Variants in LRBA observed in about 807,000 individuals in gnomAD.
The protein encoded by LRBA is LPS responsive beige-like anchor protein.
A neutral mutation model predicts 330.0 loss-of-function variants in LRBA; 176 were observed. The observed-to-expected ratio is 0.53, with a 90% CI of 0.47 to 0.60. LRBA has a LOEUF of 0.60. LRBA is among the 20% of genes least tolerant of loss of function. The pLI, the probability that LRBA is intolerant of heterozygous loss-of-function variation, is 0.00. For synonymous variants in LRBA, 1,230 were observed against 1,193.0 expected (o/e 1.03, Z -0.64); for missense variants, 3,259 against 3,444.8 (o/e 0.95, Z 1.35).
At chr4:150,335,250 T>G (rs1407983808) in intron 48 of LRBA, among the ~76,000 whole-genome samples, 2 of 151,822 alleles carry the variant, frequency 1.3e-5, no homozygotes, top group Admixed American at 1.3e-4. Context: ...ACTTAAACTC[T>G]GATAATGGAA....
intron 48 of LRBA, among the ~76,000 whole-genome samples, chr4:150,334,831 G>GTTTTTTTTTTTTTTTTTTTTTTTTTTT (rs34140293): frequency 8.8e-6 from 1 of 113,622 alleles, no homozygotes; most frequent in Non-Finnish European, 1.9e-5. Context: ...TTTTGTCTTG[G>GTTTTTTTTTTTTTTTTTTTTTTTTTTT]TTTTTTTTTT....
chr4:150,973,493 TAATC>T (rs1177164894), intron 2 of LRBA, among the ~76,000 whole-genome samples: 3 of 152,184 alleles, frequency 2.0e-5, no homozygotes, highest in Non-Finnish European at 4.4e-5. Flanking sequence ...TAAATGATAT[TAATC>T]AGTCTAGTTA....
At chr4:150,836,547 T>C (rs1260721542) in intron 28 of LRBA, among the ~76,000 whole-genome samples, 2 of 152,148 alleles carry the variant, frequency 1.3e-5, no homozygotes, top group Non-Finnish European at 2.9e-5. Context: ...TCCAGGAATT[T>C]ATCCATTTCT....
chr4:150,531,584 T>C (rs1265951939), intron 40 of LRBA, among the ~76,000 whole-genome samples: 1 of 152,206 alleles, frequency 6.6e-6, no homozygotes, highest in Non-Finnish European at 1.5e-5. Flanking sequence ...ACTGGTATAT[T>C]CTCAACACTT....
At chr4:150,518,642 A>G (rs1029358854) in intron 40 of LRBA, among the ~76,000 whole-genome samples, 2 of 152,188 alleles carry the variant, frequency 1.3e-5, no homozygotes, top group African/African-American at 4.8e-5. Flanking sequence ...CTTAAAAATA[A>G]GAATACAAAC....
intron 34 of LRBA, among the ~76,000 whole-genome samples, chr4:150,769,257 T>C (rs1327077071): frequency 6.6e-6 from 1 of 152,076 alleles, no homozygotes; most frequent in Admixed American, 6.6e-5. Flanking sequence ...TCAACTGCTA[T>C]TTCTATGCCC....
intron 46 of LRBA, among the ~76,000 whole-genome samples, chr4:150,425,454 A>G (rs1448207200): frequency 6.6e-6 from 1 of 152,168 alleles, no homozygotes; most frequent in African/African-American, 2.4e-5. Context: ...ATCATCTCCT[A>G]AGATAAAAAT....
intron 40 of LRBA, among the ~76,000 whole-genome samples, chr4:150,548,424 G>T (rs1766116193): frequency 6.6e-6 from 1 of 152,070 alleles, no homozygotes; most frequent in Admixed American, 6.6e-5. Flanking sequence ...AAAGTAAAAT[G>T]AAATCCAGAA....
chr4:150,650,756 C>T (rs1779629871), intron 37 of LRBA, among the ~76,000 whole-genome samples: 1 of 151,972 alleles, frequency 6.6e-6, no homozygotes, highest in Non-Finnish European at 1.5e-5. Flanking sequence ...GTCAGTACTA[C>T]TTACCATGAT....
chr4:150,839,877 A>C (rs935776094), intron 28 of LRBA, among the ~76,000 whole-genome samples: 1 of 151,866 alleles, frequency 6.6e-6, no homozygotes, highest in African/African-American at 2.4e-5. Context: ...CCTAGAACTT[A>C]AAGTATTAAA....
rs111700030 is a variant in LRBA, at chr4:150,765,907, C to G, written c.5581-4060G>C. Among the ~76,000 whole-genome samples, 12 of 152,026 alleles carry G rather than the reference C, an allele frequency of 7.9e-5. No homozygotes were observed. The East Asian group carries it at 2.1e-3, about 27-fold the overall frequency. On this transcript the variant is annotated intron_variant, in intron 34 of 56. Transcript: ENST00000651943. ...TGAAAACCAGTTAAAGTTAGTATAA[C>G]TATCAAAACTTAACCACACTAAAAA...
At chr4:150,491,549 TCAC>T (rs1411444105) in intron 40 of LRBA, among the ~76,000 whole-genome samples, 2 of 152,076 alleles carry the variant, frequency 1.3e-5, no homozygotes. Flanking sequence ...AAGGCAACAG[TCAC>T]TCATTCAGAA....
rs1466840162 is a variant in LRBA at position 150,415,502 on chromosome 4, A to G, written c.7130T>C (p.Val2377Ala). ...NLGVMDDGTVVSDVELPPWAK... is the reference protein window; with the variant it reads ...NLGVMDDGTVASDVELPPWAK... ...CCAAGGAGGAAGTTCGACATCAGAC[A>G]CTACTGTCCCATCATCCATCACTCC... The change falls in exon 47 of 57, where the codon GTG becomes GCG. Residue 2377 changes from valine (V) to alanine (A), a missense_variant. Transcript: ENST00000651943. The G allele has an allele frequency of 1.2e-6, 2 of 1,610,632 alleles. No individual in the cohort carries two copies. Among genetic ancestry groups the G allele is most frequent in the Non-Finnish European group, 1.7e-6 (2 of 1,176,974 alleles).
chr4:150,960,148 T>A lies in LRBA; in HGVS notation c.217-31083A>T, dbSNP rs1020299398. ...CTATTCCATTTAATACATGAAAAAA[T>A]ATATATAATATCATCATTATTCAGA... On this transcript the variant is annotated intron_variant, in intron 2 of 56. Coordinates refer to ENST00000651943, the MANE Select transcript of LRBA (RefSeq NM_001364905.1). Among the ~76,000 whole-genome samples the A allele has an allele frequency of 3.4e-5, 5 of 148,872 alleles. 1 individual carries two copies. Among genetic ancestry groups the A allele is most frequent in the Non-Finnish European group, 7.4e-5 (5 of 68,022 alleles).
At chr4:150,837,620 C>CATTTTTTTTTTTTTTTTTTT (rs1748337846) in intron 28 of LRBA, among the ~76,000 whole-genome samples, 1 of 151,954 alleles carries the variant, frequency 6.6e-6, no homozygotes, top group Non-Finnish European at 1.5e-5. Flanking sequence ...CAACCCCTGC[C>CATTTTTTTTTTTTTTTTTTT]TTTTTTTGTT....
intron 42 of LRBA, among the ~76,000 whole-genome samples, chr4:150,484,728 T>C (rs1454678280): frequency 6.6e-6 from 1 of 151,840 alleles, no homozygotes; most frequent in Non-Finnish European, 1.5e-5. Context: ...TTTTAGGCAA[T>C]GATCCTCTCC....
intron 40 of LRBA, among the ~76,000 whole-genome samples, chr4:150,539,129 C>A (rs1273462051): frequency 2.0e-5 from 3 of 152,106 alleles, no homozygotes; most frequent in African/African-American, 7.2e-5. Context: ...GCACGCACCA[C>A]CATGCCCGGC....
intron 31 of LRBA, among the ~76,000 whole-genome samples, chr4:150,810,990 A>T (rs573625162): frequency 6.6e-6 from 1 of 152,320 alleles, no homozygotes; most frequent in South Asian, 2.1e-4. Flanking sequence ...ATAAAATTTC[A>T]AATTAGAGGG....
intron 37 of LRBA, among the ~76,000 whole-genome samples, chr4:150,628,589 T>C (rs1247536991): frequency 6.6e-6 from 1 of 152,200 alleles, no homozygotes; most frequent in Non-Finnish European, 1.5e-5. Flanking sequence ...AAAACACATA[T>C]TATTTCATAC....
Sources: gnomAD v4.1 joint callset for allele counts (sites outside exome capture counted in the v4.1 genomes callset) on GRCh38, gnomAD v4.1.1 for gene constraint, MANE v1.5 for transcripts, NCBI Gene and HGNC (gene_info 2026-07-23, HGNC 2026-07-21) for gene names.